The following TCHP variants were observed in gnomAD, a reference collection of about 807,000 sequenced individuals.
TCHP encodes the protein trichoplein keratin filament binding, also known as trichoplein keratin filament-binding protein.
Under a neutral mutation model 88.7 loss-of-function variants are expected in TCHP, and 81 were observed. That is an observed-to-expected ratio of 0.91 (90% confidence interval 0.76 to 1.10). TCHP has a LOEUF of 1.10. Ranked by LOEUF, TCHP falls within the 50% of genes least tolerant of loss-of-function variation. The pLI, the probability that TCHP is intolerant of heterozygous loss-of-function variation, is 0.00. For missense variants in TCHP, 641 were observed against 632.1 expected (o/e 1.01, Z -0.15); for synonymous variants, 232 against 232.5 (o/e 1.00, Z 0.02).
chr12:109,896,685 G>T (rs1869568299), upstream of TCHP, among the ~76,000 whole-genome samples: 1 of 151,960 alleles, frequency 6.6e-6, no homozygotes, highest in South Asian at 2.1e-4. Context: ...GCTTTGGGAG[G>T]TTGATGCCTG....
chr12:109,897,369 G>A (rs1869587306), upstream of TCHP, among the ~76,000 whole-genome samples: 1 of 152,120 alleles, frequency 6.6e-6, no homozygotes, highest in African/African-American at 2.4e-5. Context: ...CTTAGGAATG[G>A]TTGCCCTCCG....
chr12:109,893,180 G>A, the TCHP span, among the ~76,000 whole-genome samples: 1 of 152,100 alleles, frequency 6.6e-6, no homozygotes, highest in African/African-American at 2.4e-5. Context: ...AGGAGTTCAA[G>A]ACCAGCCTTG....
Position 109,905,009 on chromosome 12 carries a change from T to C in TCHP, c.456+216T>C. 1 of 560,314 alleles carries C rather than the reference T, an allele frequency of 1.8e-6. No individual in the cohort carries two copies. Among genetic ancestry groups the C allele is most frequent in the East Asian group, 3.0e-5 (1 of 32,898 alleles). The allele number at this position is 560,314 out of a possible 1,614,324, so 34.7% of individuals were successfully genotyped here. A position where few individuals can be genotyped will look rare whatever the true frequency, so the allele number is the denominator to read the frequency against. On this transcript the variant is annotated intron_variant, in intron 4 of 12. Coordinates refer to ENST00000405876, the MANE Select transcript of TCHP (RefSeq NM_001143852.2). This position sits in a 1 kb window ranked among gnomAD's most constrained non-coding sequence, Gnocchi z 4.0. ...TTGATTGAACCTCCGCTGCCTGGTC[T>C]GCCAGGTGCGGGCATGGAGATTAGA...
At chr12:109,904,856 T>G in intron 4 of TCHP, 63 bp downstream of exon 4, 4 of 1,506,888 alleles carry the variant, frequency 2.7e-6, no homozygotes, top group Non-Finnish European at 3.6e-6. Context: ...CAGACACTTT[T>G]TTTTTTGAAC....
At chr12:109,884,979 T>C in the TCHP span, among the ~76,000 whole-genome samples, 1 of 152,266 alleles carries the variant, frequency 6.6e-6, no homozygotes. Context: ...TTTTTGTTTT[T>C]GTTTTTTGAG....
chr12:109,907,589 G>T lies in TCHP; in HGVS notation c.589G>T (p.Glu197Ter), dbSNP rs750309408. ...YENEYERARR[E>*]ALERMKAEEE... ...AAATGAATATGAAAGGGCCCGAAGGGAGGCGCTAGAAAGGATGAAAGCTGA... is the reference window on the plus strand; with the variant it reads ...AAATGAATATGAAAGGGCCCGAAGGTAGGCGCTAGAAAGGATGAAAGCTGA... Residue 197 changes from glutamate (E) to a stop codon, truncating the protein, a stop_gained, in exon 6 of 13, where the codon GAG becomes TAG. Transcript: ENST00000405876. LOFTEE classifies it high-confidence loss of function. 6 of 1,614,136 alleles carry T rather than the reference G, an allele frequency of 3.7e-6. No homozygotes were observed. The Admixed American group carries it at 8.3e-5, about 22-fold the overall frequency.
chr12:109,913,559 T>C (rs1408598534), intron 10 of TCHP, among the ~76,000 whole-genome samples: 1 of 152,218 alleles, frequency 6.6e-6, no homozygotes, highest in African/African-American at 2.4e-5. Flanking sequence ...CCTGAGGCTC[T>C]TCCCACACGT....
intron 8 of TCHP, among the ~76,000 whole-genome samples, chr12:109,910,596 C>G (rs1870427946): frequency 1.3e-5 from 2 of 152,192 alleles, no homozygotes; most frequent in Non-Finnish European, 2.9e-5. Flanking sequence ...CAGTGCCCAG[C>G]CTCCTGCATT....
rs766327539 is a variant in TCHP, at chr12:109,908,904, C to T, written c.846C>T (p.Leu282=). Reference sequence around the variant, plus strand: ...TGAGACATCAGTATAACGCTCAACTCAGCAGACGCACACAGCAGATCCAAG... The same window carrying T: ...TGAGACATCAGTATAACGCTCAACTTAGCAGACGCACACAGCAGATCCAAG... ...RFLRHQYNAQ[L]SRRTQQIQEE... is the part of the protein sequence containing the mutation. Residue 282 remains leucine (L), a synonymous_variant, in exon 8 of 13, where the codon CTC becomes CTT. Transcript: ENST00000405876. 1 of 1,614,262 alleles carries T rather than the reference C, an allele frequency of 6.2e-7. No homozygotes were observed. The highest frequency in any genetic ancestry group is 1.1e-5 in the South Asian group (1 of 91,082).
chr12:109,889,136 C>T, the TCHP span, among the ~76,000 whole-genome samples: 1 of 152,040 alleles, frequency 6.6e-6, no homozygotes, highest in Non-Finnish European at 1.5e-5. Context: ...TGAAACCAGC[C>T]TGGGCAACAT....
rs577827768 is a variant in TCHP, at chr12:109,916,971, C to T, written c.*348C>T. The T allele has an allele frequency of 8.0e-5, 18 of 224,618 alleles. No individual in the cohort carries two copies. The South Asian group carries it at 2.9e-3, about 36-fold the overall frequency. 13.9% of individuals were successfully genotyped at this position (224,618 alleles called of 1,614,324 possible). A position where few individuals can be genotyped will look rare whatever the true frequency, so the allele number is the denominator to read the frequency against. ...TGGGGCGTGTGGTTTCCTGTTGTCT[C>T]ACCTTTAATTGTCAACCTCCAGTGT... On this transcript the variant is annotated 3_prime_UTR_variant, in exon 13 of 13. Transcript: ENST00000405876.
At chr12:109,893,405 G>A in the TCHP span, among the ~76,000 whole-genome samples, 9 of 151,400 alleles carry the variant, frequency 5.9e-5, no homozygotes, top group African/African-American at 1.9e-4. Context: ...AAAATTGTGA[G>A]CATCAGATCC....
rs371944625 is a variant in TCHP at position 109,907,487 on chromosome 12, G to A, written c.526-39G>A. ...GGAAGCTAGGTTTTTGTTGGCTTACGGTACAGATATTGACCTGTGTTCATT... is the reference window on the plus strand; with the variant it reads ...GGAAGCTAGGTTTTTGTTGGCTTACAGTACAGATATTGACCTGTGTTCATT... On this transcript the variant is annotated intron_variant, in intron 5 of 12. Coordinates refer to ENST00000405876, the MANE Select transcript of TCHP (RefSeq NM_001143852.2). 2.8e-5 allele frequency: 44 copies of A among 1,585,528 alleles called. No individual in the cohort carries two copies. In the African/African-American group the frequency reaches 3.9e-4, roughly 14 times the overall value.
intron 8 of TCHP, among the ~76,000 whole-genome samples, chr12:109,909,653 C>G (rs1870370994): frequency 6.6e-6 from 1 of 152,174 alleles, no homozygotes; most frequent in Non-Finnish European, 1.5e-5. Context: ...AACCCCATCT[C>G]TACTAAAAAT....
upstream of TCHP, among the ~76,000 whole-genome samples, chr12:109,898,364 C>A (rs1869619051): frequency 6.6e-6 from 1 of 152,150 alleles, no homozygotes; most frequent in Non-Finnish European, 1.5e-5. Context: ...TGCCTGCCAC[C>A]ACGCCCAGCT....
chr12:109,907,560 A>G lies in TCHP; in HGVS notation c.560A>G (p.Tyr187Cys). 2 of 1,614,238 alleles carry G rather than the reference A, an allele frequency of 1.2e-6. No homozygotes were observed. The highest frequency in any genetic ancestry group is 2.2e-5 in the East Asian group (1 of 44,890). The change falls in exon 6 of 13, where the codon TAT (tyrosine) becomes TGT (cysteine). Residue 187 changes from tyrosine (Y) to cysteine (C), a missense_variant. Coordinates refer to ENST00000405876, the MANE Select transcript of TCHP (RefSeq NM_001143852.2). ...ACCGCAGAGCAAGAGAACAAACGGT[A>G]TGAAAATGAATATGAAAGGGCCCGA... is the stretch of plus-strand genomic sequence containing the variant. ...EATAEQENKR[Y>C]ENEYERARRE...
At chr12:109,915,367 T>C (rs3809300) in intron 11 of TCHP, 36 bp from the exon 12 acceptor site, 99,720 of 1,613,746 alleles carry the variant, frequency 0.062, 3,860 homozygotes, top group South Asian at 0.15. Context: ...CCTGTGGGCC[T>C]TGTCTTGGGG....
At chr12:109,890,496 C>A in the TCHP span, among the ~76,000 whole-genome samples, 1 of 151,164 alleles carries the variant, frequency 6.6e-6, no homozygotes, top group Admixed American at 6.6e-5. Flanking sequence ...GCAAGCCAAC[C>A]TTTTTCTTTT....
chr12:109,909,928 G>A (rs1870390925), intron 8 of TCHP, among the ~76,000 whole-genome samples: 1 of 152,180 alleles, frequency 6.6e-6, no homozygotes, highest in Non-Finnish European at 1.5e-5. Context: ...TCAAGCCGTT[G>A]CACTCAAGCC....
Sources: allele counts gnomAD v4.1 joint callset (sites outside exome capture counted in the v4.1 genomes callset), GRCh38; gene constraint gnomAD v4.1.1; non-coding constraint Gnocchi (gnomAD v3.1); transcripts MANE v1.5; gene names NCBI Gene and HGNC (gene_info 2026-07-23, HGNC 2026-07-21).